The following ZRANB3 variants were observed in gnomAD, a reference collection of about 807,000 sequenced individuals.
ZRANB3 encodes the protein DNA annealing helicase and endonuclease ZRANB3.
Under a neutral mutation model 133.8 loss-of-function variants are expected in ZRANB3, and 125 were observed. That is an observed-to-expected ratio of 0.93 (90% CI 0.81 to 1.08). The LOEUF is 1.08. Among genes scored for constraint, ZRANB3 ranks in the 50% least tolerant of loss-of-function variants. The probability of loss-of-function intolerance (pLI) is 0.00; values close to 1 mark genes in which losing one functional copy is unlikely to be tolerated. For synonymous variants in ZRANB3, 387 were observed against 432.7 expected, an observed-to-expected ratio of 0.89 and a Z score of 1.31; for missense variants, 1,229 against 1,275.5, an observed-to-expected ratio of 0.96 and a Z score of 0.56.
chr2:135,526,765 GAGCCAGATACCCTTTTA>G (rs1694180633), intron 1 of ZRANB3, among the ~76,000 whole-genome samples: 2 of 152,008 alleles, frequency 1.3e-5, no homozygotes, highest in African/African-American at 4.8e-5. Context: ...AATCAACTAA[GAGCCAGATACCCTTTTA>G]AGTCCGATAA....
chr2:135,478,395 G>A (rs538347568), intron 2 of ZRANB3, among the ~76,000 whole-genome samples: 5 of 152,166 alleles, frequency 3.3e-5, no homozygotes, highest in Non-Finnish European at 7.4e-5. Context: ...CCCCCCCGAA[G>A]CCTCTCTTGT....
chr2:135,336,765 G>A (rs1684389232), intron 6 of ZRANB3, among the ~76,000 whole-genome samples: 1 of 152,076 alleles, frequency 6.6e-6, no homozygotes, highest in South Asian at 2.1e-4. Context: ...ACAAGTTCTA[G>A]TCAGGAAACA....
intron 3 of ZRANB3, among the ~76,000 whole-genome samples, chr2:135,382,121 G>A (rs1686732632): frequency 6.6e-6 from 1 of 152,112 alleles, no homozygotes; most frequent in Admixed American, 6.6e-5. Flanking sequence ...GGGCTAACTA[G>A]AATAACCAAT....
intron 1 of ZRANB3, among the ~76,000 whole-genome samples, chr2:135,526,616 G>A (rs1330743976): frequency 6.6e-6 from 1 of 152,172 alleles, no homozygotes; most frequent in East Asian, 1.9e-4. Flanking sequence ...AGACAAGGAA[G>A]AAATATTTAA....
intron 6 of ZRANB3, among the ~76,000 whole-genome samples, chr2:135,328,564 T>TA (rs146670402): frequency 0.11 from 17,049 of 152,132 alleles, 1,203 homozygotes; most frequent in South Asian, 0.32. Flanking sequence ...TTATAATCCT[T>TA]AGAGTATATA....
chr2:135,247,593 C>T (rs1340988137), intron 12 of ZRANB3, among the ~76,000 whole-genome samples: 2 of 151,846 alleles, frequency 1.3e-5, no homozygotes, highest in East Asian at 1.9e-4. Flanking sequence ...GGTGCAGTGT[C>T]GCATGAAGTG....
chr2:135,485,165 A>G, intron 2 of ZRANB3, among the ~76,000 whole-genome samples: 1 of 145,136 alleles, frequency 6.9e-6, no homozygotes, highest in South Asian at 2.2e-4. Context: ...AAACAAAACA[A>G]AACAAAACAA....
intron 12 of ZRANB3, among the ~76,000 whole-genome samples, chr2:135,254,448 T>A (rs550627198): frequency 0.017 from 2,477 of 150,076 alleles, 73 homozygotes; most frequent in African/African-American, 0.057. Flanking sequence ...TATAGTCTTT[T>A]AAAAAAAAAA....
At chr2:135,450,750 G>A (rs1429083860) in intron 2 of ZRANB3, among the ~76,000 whole-genome samples, 1 of 152,214 alleles carries the variant, frequency 6.6e-6, no homozygotes, top group Non-Finnish European at 1.5e-5. Flanking sequence ...GAAAGCCAAA[G>A]AGTAAGCCTA....
chr2:135,239,821 T>C (rs1324505233), intron 12 of ZRANB3, among the ~76,000 whole-genome samples: 2 of 151,872 alleles, frequency 1.3e-5, no homozygotes, highest in African/African-American at 4.8e-5. Flanking sequence ...ACCGTGTCTC[T>C]ACTAATACAA....
At chr2:135,436,189 T>C (rs1407004663) in intron 2 of ZRANB3, among the ~76,000 whole-genome samples, 1 of 152,222 alleles carries the variant, frequency 6.6e-6, no homozygotes, top group South Asian at 2.1e-4. Flanking sequence ...CCAGTTTCAA[T>C]CTTCTACATA....
intron 6 of ZRANB3, among the ~76,000 whole-genome samples, chr2:135,334,651 T>G (rs1684290349): frequency 6.6e-6 from 1 of 151,990 alleles, no homozygotes. Flanking sequence ...ATCCCAGCAC[T>G]CTGGGAGGCC....
At chr2:135,426,864 ATATATATATATATATATATATAT>A (rs1459456177) in intron 2 of ZRANB3, among the ~76,000 whole-genome samples, 2 of 4,574 alleles carry the variant, frequency 4.4e-4, no homozygotes, top group Non-Finnish European at 3.7e-4. Context: ...AAAAAAAAAA[ATATATATATATATATATATATAT>A]ATATATATAT....
intron 2 of ZRANB3, among the ~76,000 whole-genome samples, chr2:135,469,355 T>C (rs1691150678): frequency 1.3e-5 from 2 of 152,070 alleles, no homozygotes; most frequent in African/African-American, 4.8e-5. Flanking sequence ...AAATAAACAG[T>C]TTGTAAAAAT....
intron 2 of ZRANB3, among the ~76,000 whole-genome samples, chr2:135,405,822 T>G (rs1460955351): frequency 6.6e-6 from 1 of 152,074 alleles, no homozygotes; most frequent in East Asian, 1.9e-4. Context: ...TTCAAAGCAG[T>G]GTGTAGAGGG....
chr2:135,484,171 G>T (rs1413562156), intron 2 of ZRANB3, among the ~76,000 whole-genome samples: 1 of 152,024 alleles, frequency 6.6e-6, no homozygotes, highest in Non-Finnish European at 1.5e-5. Context: ...TATCCTTGTT[G>T]ACTTTCTACA....
At chr2:135,232,521 T>G (rs1397506356) in intron 12 of ZRANB3, among the ~76,000 whole-genome samples, 2 of 152,110 alleles carry the variant, frequency 1.3e-5, no homozygotes, top group African/African-American at 4.8e-5. Flanking sequence ...GAACCCCGAG[T>G]AGCCTAACTG....
intron 3 of ZRANB3, among the ~76,000 whole-genome samples, chr2:135,356,895 G>A (rs1685462229): frequency 6.6e-6 from 1 of 151,886 alleles, no homozygotes; most frequent in African/African-American, 2.4e-5. Flanking sequence ...TTTTGGGCAG[G>A]CTGGTCTCGA....
intron 5 of ZRANB3, among the ~76,000 whole-genome samples, chr2:135,345,842 A>G (rs1684895919): frequency 6.6e-6 from 1 of 152,192 alleles, no homozygotes; most frequent in Admixed American, 6.5e-5. Context: ...TGATATAAGC[A>G]TATGTTTATG....
Sources: gnomAD v4.1 joint callset for allele counts (sites outside exome capture counted in the v4.1 genomes callset) on GRCh38, gnomAD v4.1.1 for gene constraint, MANE v1.5 for transcripts, NCBI Gene and HGNC (gene_info 2026-07-23, HGNC 2026-07-21) for gene names.